Variants in NRBP2 observed in about 807,000 individuals in gnomAD.
The protein encoded by NRBP2 is nuclear receptor-binding protein 2.
Under a neutral mutation model 74.4 loss-of-function variants are expected in NRBP2, and 47 were observed. The ratio of observed to expected loss-of-function variants is 0.63; its 90% CI spans 0.50 to 0.81. The LOEUF (loss-of-function observed/expected upper bound fraction) is 0.81. NRBP2 is among the 30% of genes least tolerant of loss of function. NRBP2 has a pLI of 0.00. For synonymous variants in NRBP2, 312 were observed against 273.8 expected (o/e 1.14, Z -1.38); for missense variants, 613 against 690.1 (o/e 0.89, Z 1.25).
chr8:143,833,512 A>C (rs1554650686), downstream of NRBP2: 1 of 152,142 alleles, frequency 6.6e-6, no homozygotes, highest in Non-Finnish European at 1.5e-5. Context: ...AATAAACAGG[A>C]CTAAAAGCAT....
At chr8:143,831,819 AAG>A (rs562758908), downstream of NRBP2, among the ~76,000 whole-genome samples, 99 of 152,352 alleles carry the variant, frequency 6.5e-4, 1 homozygote, top group African/African-American at 2.2e-3. Flanking sequence ...GGCAAAGAAA[AAG>A]AAGAGATCAT....
Position 143,839,258 on chromosome 8 carries a change from G to A in NRBP2, c.580+56C>T. 2.0e-6 allele frequency: 3 copies of A among 1,535,458 alleles called. No individual in the cohort carries two copies. Among genetic ancestry groups the A allele is most frequent in the Non-Finnish European group, 1.7e-6 (2 of 1,146,432 alleles). The stretch of plus-strand genomic sequence containing the variant: ...GGGGCATCAGAACTCCTCTGCCCTT[G>A]GCTCCAGGCACCTTCCCCTGCCCCG... On this transcript the variant is annotated intron_variant, in intron 6 of 17. Coordinates refer to ENST00000442628, the MANE Select transcript of NRBP2 (RefSeq NM_178564.4). The surrounding 1 kb of genome is among the most constrained non-coding windows in gnomAD (Gnocchi z 5.1).
At position 143,835,864 on chromosome 8, in the gene NRBP2, G is replaced by C; in HGVS notation, c.1393C>G (p.Gln465Glu). The C allele has an allele frequency of 6.2e-7, 1 of 1,601,290 alleles. No homozygotes were observed. Among genetic ancestry groups the C allele is most frequent in the Non-Finnish European group, 8.5e-7 (1 of 1,177,180 alleles). The change falls in exon 17 of 18, where the codon CAG (glutamine) becomes GAG (glutamate). Residue 465 changes from glutamine to glutamate, a missense_variant. Around this residue, in one of 2 missense-constraint regions of NRBP2, gnomAD observed 281 missense variants for 260.9 expected, o/e 1.08. Coordinates refer to ENST00000442628, the MANE Select transcript of NRBP2 (RefSeq NM_178564.4). The surrounding 1 kb of genome is among the most constrained non-coding windows in gnomAD (Gnocchi z 4.9). ...TGCACGAGCTCCGAGGCGAGGTCCT[G>C]GGCGCTGTCCGCTGAGGCAATGGCG... Reference protein sequence around the residue: ...TYDLLPTDSAQDLASELVHYG... With the variant: ...TYDLLPTDSAEDLASELVHYG...
chr8:143,838,850 G>A (rs781965934), intron 9 of NRBP2, 33 bp downstream of exon 9: 7 of 1,612,908 alleles, frequency 4.3e-6, no homozygotes, highest in South Asian at 2.2e-5. Context: ...TTAGGAGGAG[G>A]GCAGAGCACA....
chr8:143,839,205 G>T lies in NRBP2; in HGVS notation c.581-10C>A. 1.3e-6 allele frequency: 2 copies of T among 1,531,464 alleles called. No homozygotes were observed. The highest frequency in any genetic ancestry group is 1.2e-5 in the South Asian group (1 of 83,672). 94.9% of individuals were successfully genotyped at this position (1,531,464 alleles called of 1,614,324 possible). A position where few individuals can be genotyped will look rare whatever the true frequency, so the allele number is the denominator to read the frequency against. On this transcript the variant is annotated splice_polypyrimidine_tract_variant and intron_variant, in intron 6 of 17. Coordinates refer to ENST00000442628, the MANE Select transcript of NRBP2 (RefSeq NM_178564.4). This position sits in a 1 kb window ranked among gnomAD's most constrained non-coding sequence, Gnocchi z 5.1. ...AAGATTCGGTGCCACACTGCCAAGG[G>T]GCGGGAGAAAGAGTGGAGTTAGCTG...
chr8:143,837,675 G>A lies in NRBP2; in HGVS notation c.921C>T (p.Phe307=), dbSNP rs782421669. The change falls in exon 11 of 18, where the codon TTC becomes TTT. Residue 307 remains phenylalanine (F), a synonymous_variant. Transcript: ENST00000442628. This position sits in a 1 kb window ranked among gnomAD's most constrained non-coding sequence, Gnocchi z 4.3. The part of the protein sequence containing the change: ...AHSLLFHRVL[F]EVHSLKLLAA... ...CCAGGAGCTTCAGCGAGTGCACCTC[G>A]AAGAGCACGCGGTGGAAGAGGAGGC... 126 of 1,588,030 alleles carry A rather than the reference G, an allele frequency of 7.9e-5. 1 individual carries two copies. The South Asian group carries it at 1.0e-3, about 13-fold the overall frequency.
In NRBP2 at chr8:143,835,299, C is replaced by G. The variant is rs1698706555; in HGVS notation, c.*363G>C. 1.1e-5 allele frequency: 4 copies of G among 371,798 alleles called. No individual in the cohort carries two copies. Among genetic ancestry groups the G allele is most frequent in the Non-Finnish European group, 1.5e-5 (3 of 199,624 alleles). 23.0% of individuals were successfully genotyped at this position (371,798 alleles called of 1,614,324 possible). On this transcript the variant is annotated 3_prime_UTR_variant, in exon 18 of 18. Transcript: ENST00000442628. This position sits in a 1 kb window ranked among gnomAD's most constrained non-coding sequence, Gnocchi z 4.9. ...GTCTGTCCAGGGCTGACCCTCACCC[C>G]CAAGCCCCAGAGCTGGGGTTCCCTA...
chr8:143,836,261 G>A lies in NRBP2; in HGVS notation c.1264-81C>T, dbSNP rs1818379958. ...GCCCCAAAGGGGCCGGGAAGGGACA[G>A]CAAAGACTGGAAAGGGGGGAATCTC... is the stretch of plus-strand genomic sequence containing the variant. On this transcript the variant is annotated intron_variant, in intron 14 of 17. Transcript: ENST00000442628. The A allele has an allele frequency of 3.5e-6, 5 of 1,434,970 alleles. No individual in the cohort carries two copies. The South Asian group carries it at 4.5e-5, about 13-fold the overall frequency. The allele number at this position is 1,434,970 out of a possible 1,614,324, so 88.9% of individuals were successfully genotyped here.
Position 143,837,353 on chromosome 8 carries a change from G to T in NRBP2, c.1076+54C>A. 1 of 1,533,184 alleles carries T rather than the reference G, an allele frequency of 6.5e-7. No individual in the cohort carries two copies. Among genetic ancestry groups the T allele is most frequent in the Non-Finnish European group, 8.9e-7 (1 of 1,124,916 alleles). 95.0% of individuals were successfully genotyped at this position (1,533,184 alleles called of 1,614,324 possible). A position where few individuals can be genotyped will look rare whatever the true frequency, so the allele number is the denominator to read the frequency against. On this transcript the variant is annotated intron_variant, in intron 12 of 17. Coordinates refer to ENST00000442628, the MANE Select transcript of NRBP2 (RefSeq NM_178564.4). The surrounding 1 kb of genome is among the most constrained non-coding windows in gnomAD (Gnocchi z 4.3). Reference sequence around the variant, plus strand: ...GGCTGGCCGGGGCGAGGGGAGGGGAGGTGCGGGGAGGGGAGGTGTGGGGAG... The same window carrying T: ...GGCTGGCCGGGGCGAGGGGAGGGGATGTGCGGGGAGGGGAGGTGTGGGGAG...
rs969487236 is a variant in NRBP2, at chr8:143,839,208, G to C, written c.581-13C>G. 5 of 1,531,220 alleles carry C rather than the reference G, an allele frequency of 3.3e-6. No homozygotes were observed. The highest frequency in any genetic ancestry group is 4.4e-6 in the Non-Finnish European group (5 of 1,143,432). The allele number at this position is 1,531,220 out of a possible 1,614,324, so 94.9% of individuals were successfully genotyped here. ...ATTCGGTGCCACACTGCCAAGGGGCGGGAGAAAGAGTGGAGTTAGCTGCTG... is the reference window on the plus strand; with the variant it reads ...ATTCGGTGCCACACTGCCAAGGGGCCGGAGAAAGAGTGGAGTTAGCTGCTG... On this transcript the variant is annotated splice_polypyrimidine_tract_variant and intron_variant, in intron 6 of 17. Coordinates refer to ENST00000442628, the MANE Select transcript of NRBP2 (RefSeq NM_178564.4). The surrounding 1 kb of genome is among the most constrained non-coding windows in gnomAD (Gnocchi z 5.1).
At position 143,839,285 on chromosome 8, in the gene NRBP2, T is replaced by TA; in HGVS notation, c.580+28_580+29insT. 1 of 1,537,352 alleles carries TA rather than the reference T, an allele frequency of 6.5e-7. No homozygotes were observed. The highest frequency in any genetic ancestry group is 1.4e-5 in the African/African-American group (1 of 73,212). On this transcript the variant is annotated intron_variant, in intron 6 of 17. Transcript: ENST00000442628. The surrounding 1 kb of genome is among the most constrained non-coding windows in gnomAD (Gnocchi z 5.1). Reference sequence around the variant, plus strand: ...CTCCAGGCACCTTCCCCTGCCCCGTTCCCCCACCCAGCCCTGCCCCGCCAG... The same window carrying TA: ...CTCCAGGCACCTTCCCCTGCCCCGTTACCCCCACCCAGCCCTGCCCCGCCAG...
At position 143,839,790 on chromosome 8, in the gene NRBP2, G is replaced by A; in HGVS notation, c.390C>T (p.Ser130=). The A allele has an allele frequency of 1.3e-6, 2 of 1,536,098 alleles. No homozygotes were observed. Among genetic ancestry groups the A allele is most frequent in the South Asian group, 1.2e-5 (1 of 84,064 alleles). The change falls in exon 4 of 18, where the codon AGC becomes AGT. Residue 130 remains serine, a synonymous_variant. Coordinates refer to ENST00000442628, the MANE Select transcript of NRBP2 (RefSeq NM_178564.4). This position sits in a 1 kb window ranked among gnomAD's most constrained non-coding sequence, Gnocchi z 5.1. ...TGGTCTTTTTGAGGAATTGCTTGAGGCTGCCTGATGACACGTACTCTGTGA... is the reference window on the plus strand; with the variant it reads ...TGGTCTTTTTGAGGAATTGCTTGAGACTGCCTGATGACACGTACTCTGTGA... ...IFITEYVSSG[S]LKQFLKKTKK...
rs1554652866 is a variant in NRBP2, at chr8:143,839,160, G to C, written c.604+12C>G. The C allele has an allele frequency of 6.6e-7, 1 of 1,522,980 alleles. No homozygotes were observed. Among genetic ancestry groups the C allele is most frequent in the Non-Finnish European group, 8.8e-7 (1 of 1,138,770 alleles). The allele number at this position is 1,522,980 out of a possible 1,614,324, so 94.3% of individuals were successfully genotyped here. A position where few individuals can be genotyped will look rare whatever the true frequency, so the allele number is the denominator to read the frequency against. On this transcript the variant is annotated intron_variant, in intron 7 of 17. Transcript: ENST00000442628. The surrounding 1 kb of genome is among the most constrained non-coding windows in gnomAD (Gnocchi z 5.1). Reference sequence around the variant, plus strand: ...CTCTCCAGGACCCCGTCCCCCCAAAGTCCGCACTTACCATTGGAGAAGATT... The same window carrying C: ...CTCTCCAGGACCCCGTCCCCCCAAACTCCGCACTTACCATTGGAGAAGATT...
At position 143,840,406 on chromosome 8, in the gene NRBP2, A is replaced by G; in HGVS notation, c.130-177T>C. 2.3e-6 allele frequency: 2 copies of G among 851,666 alleles called. No individual in the cohort carries two copies. Among genetic ancestry groups the G allele is most frequent in the South Asian group, 1.8e-5 (1 of 55,532 alleles). 52.8% of individuals were successfully genotyped at this position (851,666 alleles called of 1,614,324 possible). A position where few individuals can be genotyped will look rare whatever the true frequency, so the allele number is the denominator to read the frequency against. ...CCCCAGGAGCCAAGGGCTCCTATCC[A>G]AGGGCTGGGCTAAGGGGATTTGGAG... On this transcript the variant is annotated intron_variant, in intron 1 of 17. Coordinates refer to ENST00000442628, the MANE Select transcript of NRBP2 (RefSeq NM_178564.4). This position sits in a 1 kb window ranked among gnomAD's most constrained non-coding sequence, Gnocchi z 5.7.
In NRBP2 at chr8:143,833,888, G is replaced by A. The variant is rs139530595; in HGVS notation, c.*1774C>T. ...TACTTTAGATTGCTAATTTTGAGTTGGAAGGCGTGAGAATTTGAATAATTT... is the reference window on the plus strand; with the variant it reads ...TACTTTAGATTGCTAATTTTGAGTTAGAAGGCGTGAGAATTTGAATAATTT... On this transcript the variant is annotated 3_prime_UTR_variant, in exon 18 of 18. Coordinates refer to ENST00000442628, the MANE Select transcript of NRBP2 (RefSeq NM_178564.4). The A allele has an allele frequency of 2.0e-5, 3 of 152,250 alleles. No individual in the cohort carries two copies. The East Asian group carries it at 5.8e-4, about 29-fold the overall frequency. The allele number at this position is 152,250 out of a possible 1,614,324, so 9.4% of individuals were successfully genotyped here. A position where few individuals can be genotyped will look rare whatever the true frequency, so the allele number is the denominator to read the frequency against.
rs868992007 is a variant in NRBP2, at chr8:143,835,697, T to C, written c.1471A>G (p.Ser491Gly). 3 of 1,599,682 alleles carry C rather than the reference T, an allele frequency of 1.9e-6. No homozygotes were observed. Among genetic ancestry groups the C allele is most frequent in the Middle Eastern group, 3.3e-4 (2 of 5,998 alleles). The change falls in exon 18 of 18, where the codon AGC becomes GGC. Residue 491 changes from serine to glycine, a missense_variant. By Grantham distance (56) the Ser-to-Gly change is moderately conservative. Coordinates refer to ENST00000442628, the MANE Select transcript of NRBP2 (RefSeq NM_178564.4). This position sits in a 1 kb window ranked among gnomAD's most constrained non-coding sequence, Gnocchi z 4.9. ...DRMKLAAFLE[S>G]TFLKYRGTQA Reference sequence around the variant, plus strand: ...GTCCCACGGTACTTGAGGAAGGTGCTCTCCAGGAAGGCGGCCAGCTTCATC... The same window carrying C: ...GTCCCACGGTACTTGAGGAAGGTGCCCTCCAGGAAGGCGGCCAGCTTCATC...
chr8:143,833,770 T>C lies in NRBP2; in HGVS notation c.*1892A>G, dbSNP rs1554650743. On this transcript the variant is annotated 3_prime_UTR_variant, in exon 18 of 18. Transcript: ENST00000442628. ...ATGCTTTTAAGTTCAGTTTAATCAG[T>C]AGTACAATGTTATGTATTTGCCACT... The C allele has an allele frequency of 2.6e-5, 4 of 152,240 alleles. No homozygotes were observed. The highest frequency in any genetic ancestry group is 7.2e-5 in the African/African-American group (3 of 41,456). The allele number at this position is 152,240 out of a possible 1,614,324, so 9.4% of individuals were successfully genotyped here. A position where few individuals can be genotyped will look rare whatever the true frequency, so the allele number is the denominator to read the frequency against.
In NRBP2 at chr8:143,837,423, G is replaced by A. The variant is rs782402847; in HGVS notation, c.1060C>T (p.Pro354Ser). 16 of 1,603,580 alleles carry A rather than the reference G, an allele frequency of 1.0e-5. No individual in the cohort carries two copies. The East Asian group carries it at 1.1e-4, about 11-fold the overall frequency. The part of the protein sequence containing the change: ...VLAELPRPRR[P>S]PLQWRYSEVS... ...ACTGCTCACCGCCACTGCAGCGGGG[G>A]CCTGCGGGGCCGGGGAAGCTCCGCC... The change falls in exon 12 of 18, where the codon CCC becomes TCC. Residue 354 changes from proline (P) to serine (S), a missense_variant. This residue lies in a region of NRBP2 where 281 missense variants were observed against 260.9 expected (regional missense o/e 1.08). Transcript: ENST00000442628. This position sits in a 1 kb window ranked among gnomAD's most constrained non-coding sequence, Gnocchi z 4.3.
rs141731497 is a variant in NRBP2 at position 143,836,845 on chromosome 8, C to G, written c.1263+194G>C. ...GGATCTGAGGGGACAGGGAGCCTCC[C>G]GGAAAAGGAGAGTGCCCAGCCTGTC... On this transcript the variant is annotated intron_variant, in intron 14 of 17. Coordinates refer to ENST00000442628, the MANE Select transcript of NRBP2 (RefSeq NM_178564.4). Among the ~76,000 whole-genome samples, 945 of 152,002 alleles carry G rather than the reference C, an allele frequency of 6.2e-3. 5 individuals are homozygous for G. The highest frequency in any genetic ancestry group is 0.022 in the African/African-American group (899 of 41,456).
Sources: gnomAD v4.1 joint callset for allele counts (sites outside exome capture counted in the v4.1 genomes callset) on GRCh38, gnomAD v4.1.1 for gene constraint, gnomAD v4.1.1 regional missense constraint, Gnocchi (gnomAD v3.1) non-coding constraint, MANE v1.5 for transcripts, NCBI Gene and HGNC (gene_info 2026-07-23, HGNC 2026-07-21) for gene names.